Variants in GABRB1 observed in about 807,000 individuals in gnomAD.
GABRB1 encodes gamma-aminobutyric acid receptor subunit beta-1.
A neutral mutation model predicts 51.6 loss-of-function variants in GABRB1; 17 were observed. That is an observed-to-expected ratio of 0.33 (90% CI 0.23 to 0.49). The LOEUF (loss-of-function observed/expected upper bound fraction) is 0.49, where lower values mean the gene tolerates loss of function less well. GABRB1 is among the 20% of genes least tolerant of loss of function. GABRB1 has a pLI of 0.99. For missense variants in GABRB1, 410 were observed against 600.6 expected (o/e 0.68, Z 3.32); for synonymous variants, 247 against 218.9 (o/e 1.13, Z -1.14).
intron 4 of GABRB1, among the ~76,000 whole-genome samples, chr4:47,303,574 A>G (rs190945388): frequency 1.1e-4 from 16 of 152,056 alleles, no homozygotes; most frequent in African/African-American, 3.6e-4. Context: ...CTGTCTTGAA[A>G]GTACAAATAT....
intron 5 of GABRB1, among the ~76,000 whole-genome samples, chr4:47,387,794 G>C (rs191006327): frequency 6.6e-6 from 1 of 152,246 alleles, no homozygotes; most frequent in Non-Finnish European, 1.5e-5. Flanking sequence ...CAGCTGAATA[G>C]CCCAGATGGA....
chr4:47,222,102 G>T (rs1720790370), intron 4 of GABRB1, among the ~76,000 whole-genome samples: 1 of 152,086 alleles, frequency 6.6e-6, no homozygotes, highest in African/African-American at 2.4e-5. Flanking sequence ...TCTGTTTACG[G>T]TATGAGCTGA....
At chr4:47,289,873 A>G (rs1330590548) in intron 4 of GABRB1, among the ~76,000 whole-genome samples, 1 of 152,230 alleles carries the variant, frequency 6.6e-6, no homozygotes, top group Non-Finnish European at 1.5e-5. Context: ...CCATAAGTAG[A>G]AATAACATGG....
rs181507208 is a variant in GABRB1, at chr4:47,340,635, G to A, written c.544+20426G>A. Among the ~76,000 whole-genome samples the A allele has an allele frequency of 2.4e-3, 363 of 152,106 alleles. 3 individuals are homozygous for A. Among genetic ancestry groups the A allele is most frequent in the African/African-American group, 7.6e-3 (315 of 41,502 alleles). On this transcript the variant is annotated intron_variant, in intron 5 of 8. Transcript: ENST00000295454. ...CTATAGGGCATTATTCTATTCACTA[G>A]GGAAGAGCCCTCATGATTTAATCAC...
At chr4:47,093,581 C>A (rs1258804399) in intron 3 of GABRB1, among the ~76,000 whole-genome samples, 1 of 151,728 alleles carries the variant, frequency 6.6e-6, no homozygotes, top group East Asian at 1.9e-4. Context: ...CTGCGTACAA[C>A]AAAAAAAATC....
chr4:47,074,331 T>A (rs545994744), intron 3 of GABRB1, among the ~76,000 whole-genome samples: 1 of 152,346 alleles, frequency 6.6e-6, no homozygotes, highest in South Asian at 2.1e-4. Context: ...TTAAAGTATT[T>A]TGTAGCTTTT....
chr4:47,306,921 T>C (rs937569944), intron 4 of GABRB1, among the ~76,000 whole-genome samples: 7 of 152,080 alleles, frequency 4.6e-5, no homozygotes, highest in Admixed American at 2.0e-4. Flanking sequence ...TTACAAGGAG[T>C]GCTTGAGGAA....
At chr4:47,075,298 C>A (rs1727498779) in intron 3 of GABRB1, among the ~76,000 whole-genome samples, 1 of 151,986 alleles carries the variant, frequency 6.6e-6, no homozygotes, top group South Asian at 2.1e-4. Context: ...TAAATGTAAA[C>A]CAACTTTGAA....
chr4:47,108,457 G>GTGGAT (rs1232701492), intron 3 of GABRB1, among the ~76,000 whole-genome samples: 1 of 151,976 alleles, frequency 6.6e-6, no homozygotes, highest in Non-Finnish European at 1.5e-5. Context: ...ATAGCACATT[G>GTGGAT]TGGATTTTGA....
At chr4:47,130,551 A>C (rs539716419) in intron 3 of GABRB1, among the ~76,000 whole-genome samples, 4 of 151,364 alleles carry the variant, frequency 2.6e-5, no homozygotes, top group African/African-American at 9.7e-5. Context: ...ATTTTTGAGA[A>C]CCTCCTGACC....
In GABRB1 at chr4:47,350,183, TTATATATATATATA is replaced by T. The variant is rs367708916; in HGVS notation, c.544+29997_544+30010del. On this transcript the variant is annotated intron_variant, in intron 5 of 8. Transcript: ENST00000295454. ...TAAAATATTTCCTCTTGGGCTCAGATTATATATATATATATATATATATATATATATATATAGAG... is the reference window on the plus strand; with the variant it reads ...TAAAATATTTCCTCTTGGGCTCAGATTATATATATATATATATATATAGAG... Among the ~76,000 whole-genome samples, 753 of 87,736 alleles carry T rather than the reference TTATATATATATATA, an allele frequency of 8.6e-3. 5 individuals carry two copies. Among genetic ancestry groups the T allele is most frequent in the South Asian group, 0.017 (35 of 2,056 alleles). 57.6% of individuals were successfully genotyped at this position (87,736 alleles called of 152,430 possible).
chr4:47,284,982 T>C (rs912381146), intron 4 of GABRB1, among the ~76,000 whole-genome samples: 2 of 152,184 alleles, frequency 1.3e-5, no homozygotes, highest in Admixed American at 6.5e-5. Flanking sequence ...CCCCATGAAA[T>C]AAGGATTTCT....
At chr4:47,235,258 A>G (rs1026844654) in intron 4 of GABRB1, among the ~76,000 whole-genome samples, 1 of 152,180 alleles carries the variant, frequency 6.6e-6, no homozygotes, top group African/African-American at 2.4e-5. Context: ...TAGTGACTAT[A>G]AAAATCTAGG....
chr4:47,118,956 A>G (rs185879879), intron 3 of GABRB1, among the ~76,000 whole-genome samples: 9 of 152,342 alleles, frequency 5.9e-5, no homozygotes, highest in Middle Eastern at 3.4e-3. Context: ...AAATGGGTAG[A>G]AATGAACTGA....
chr4:47,056,920 A>G (rs2109519364), intron 3 of GABRB1, among the ~76,000 whole-genome samples: 2 of 152,282 alleles, frequency 1.3e-5, no homozygotes, highest in Non-Finnish European at 2.9e-5. Context: ...AGCCTGCCCA[A>G]CATGGTGAAA....
intron 8 of GABRB1, among the ~76,000 whole-genome samples, chr4:47,425,398 C>T (rs199873170): frequency 0.036 from 5,398 of 151,586 alleles, 123 homozygotes; most frequent in Middle Eastern, 0.14. Context: ...CACACACACA[C>T]ACACACACAC....
Position 47,196,983 on chromosome 4 carries a change from T to A in GABRB1, c.461+35514T>A, listed in dbSNP as rs544303930. ...CTCTATGCACAAGATTCACTTAGTG[T>A]ATACTTGTTGAGTTACACACAAGAG... On this transcript the variant is annotated intron_variant, in intron 4 of 8. Transcript: ENST00000295454. Among the ~76,000 whole-genome samples, 91 of 152,328 alleles carry A rather than the reference T, an allele frequency of 6.0e-4. 1 individual carries two copies. Among genetic ancestry groups the A allele is most frequent in the African/African-American group, 1.7e-3 (71 of 41,578 alleles).
rs2110071129 is a variant in GABRB1, at chr4:47,425,840, G to A, written c.1247G>A (p.Arg416His). 6 of 1,614,034 alleles carry A rather than the reference G, an allele frequency of 3.7e-6. No individual in the cohort carries two copies. Among genetic ancestry groups the A allele is most frequent in the Non-Finnish European group, 5.1e-6 (6 of 1,179,996 alleles). Residue 416 changes from arginine to histidine, a missense_variant, in exon 9 of 9, where the codon CGC (arginine) becomes CAC (histidine). Around this residue, in one of 5 missense-constraint regions of GABRB1, gnomAD observed 181 missense variants for 195.6 expected, o/e 0.93. Coordinates refer to ENST00000295454, the MANE Select transcript of GABRB1 (RefSeq NM_000812.4). ...KPLSSREAYGRALDRHGVPSK... is the reference protein window; with the variant it reads ...KPLSSREAYGHALDRHGVPSK... ...CTGAGCAGCCGCGAGGCCTACGGGC[G>A]CGCCCTGGACCGGCACGGGGTACCC...
At chr4:47,003,240 G>T (rs1724284408) in intron 1 of GABRB1, among the ~76,000 whole-genome samples, 1 of 151,872 alleles carries the variant, frequency 6.6e-6, no homozygotes, top group South Asian at 2.1e-4. Context: ...TTAAAATTTA[G>T]ATTAAGTGCA....
Sources: allele counts gnomAD v4.1 joint callset (sites outside exome capture counted in the v4.1 genomes callset), GRCh38; gene constraint gnomAD v4.1.1; regional missense constraint gnomAD v4.1.1; transcripts MANE v1.5; gene names NCBI Gene and HGNC (gene_info 2026-07-23, HGNC 2026-07-21).